Variants in FBXO25 observed in about 807,000 individuals in gnomAD.
FBXO25 encodes F-box protein 25, also known as F-box only protein 25.
Under a neutral mutation model 51.9 loss-of-function variants are expected in FBXO25, and 45 were observed. That is an observed-to-expected ratio of 0.87 (90% confidence interval 0.68 to 1.11). The LOEUF is 1.11. Ranked by LOEUF, FBXO25 falls within the 50% of genes most tolerant of loss-of-function variation. The probability of loss-of-function intolerance (pLI) is 0.00; values close to 1 mark genes in which losing one functional copy is unlikely to be tolerated. For missense variants in FBXO25, 507 were observed against 428.5 expected (o/e 1.18, Z -1.62); for synonymous variants, 199 against 151.0 (o/e 1.32, Z -2.33).
At chr8:447,219 G>T (rs1798792110) in intron 5 of FBXO25, among the ~76,000 whole-genome samples, 2 of 152,134 alleles carry the variant, frequency 1.3e-5, no homozygotes, top group African/African-American at 4.8e-5. Flanking sequence ...GTTTTACTCA[G>T]GGACATGGGC....
Position 477,604 on chromosome 8 carries a change from C to G in FBXO25, c.*8800C>G, listed in dbSNP as rs549458410. On this transcript the variant is annotated 3_prime_UTR_variant, in exon 10 of 10. Coordinates refer to ENST00000350302, the MANE Select transcript of FBXO25 (RefSeq NM_183420.2). ...GAATTTGAGGCTGCAAGGATAGGTA[C>G]ACACAGGGGAGTGAAGCAGGGCTTG... The G allele has an allele frequency of 6.6e-6, 1 of 152,212 alleles. No individual in the cohort carries two copies. The highest frequency in any genetic ancestry group is 1.5e-5 in the Non-Finnish European group (1 of 68,038). 9.4% of individuals were successfully genotyped at this position (152,212 alleles called of 1,614,324 possible).
rs375398126 is a variant in FBXO25, at chr8:477,173, AT to A, written c.*8372del. ...TATTTTATTTCCTCAGTCTTTTGAA[AT>A]TTGTTGACTTGTTTAGTCATCTAAC... On this transcript the variant is annotated 3_prime_UTR_variant, in exon 10 of 10. Coordinates refer to ENST00000350302, the MANE Select transcript of FBXO25 (RefSeq NM_183420.2). The A allele has an allele frequency of 2.6e-5, 4 of 152,300 alleles. No individual in the cohort carries two copies. The highest frequency in any genetic ancestry group is 9.6e-5 in the African/African-American group (4 of 41,558). The allele number at this position is 152,300 out of a possible 1,614,324, so 9.4% of individuals were successfully genotyped here. A position where few individuals can be genotyped will look rare whatever the true frequency, so the allele number is the denominator to read the frequency against.
At chr8:437,843 A>G (rs1394870328) in intron 5 of FBXO25, among the ~76,000 whole-genome samples, 3 of 152,064 alleles carry the variant, frequency 2.0e-5, no homozygotes, top group Non-Finnish European at 4.4e-5. Context: ...ACTTACTACA[A>G]CAACTGAGAG....
chr8:437,529 C>T (rs1411644127), intron 5 of FBXO25, among the ~76,000 whole-genome samples: 1 of 152,236 alleles, frequency 6.6e-6, no homozygotes, highest in Non-Finnish European at 1.5e-5. Flanking sequence ...CACCATTCTT[C>T]ACAAGTCCAG....
At chr8:430,938 G>C (rs1797785513) in intron 2 of FBXO25, among the ~76,000 whole-genome samples, 2 of 152,310 alleles carry the variant, frequency 1.3e-5, no homozygotes, top group African/African-American at 4.8e-5. Context: ...GGAGTAAACA[G>C]AAATGTTGAG....
At chr8:433,535 G>A (rs1271656692) in intron 4 of FBXO25, among the ~76,000 whole-genome samples, 1 of 152,108 alleles carries the variant, frequency 6.6e-6, no homozygotes, top group Non-Finnish European at 1.5e-5. Flanking sequence ...AGAGCTGTGT[G>A]AACTCTTTCC....
rs558439075 is a variant in FBXO25, at chr8:450,907, T to C, written c.476-362T>C. 4 of 203,078 alleles carry C rather than the reference T, an allele frequency of 2.0e-5. No homozygotes were observed. The East Asian group carries it at 4.4e-4, about 23-fold the overall frequency. 12.6% of individuals were successfully genotyped at this position (203,078 alleles called of 1,614,324 possible). ...CTGAAACTCATACCACCTTAAACACTGAGTCCCCATTCCTCCTCCCCACCA... is the reference window on the plus strand; with the variant it reads ...CTGAAACTCATACCACCTTAAACACCGAGTCCCCATTCCTCCTCCCCACCA... On this transcript the variant is annotated intron_variant, in intron 6 of 9. Transcript: ENST00000350302.
At chr8:434,097 A>T (rs960638463) in intron 4 of FBXO25, among the ~76,000 whole-genome samples, 6 of 152,326 alleles carry the variant, frequency 3.9e-5, no homozygotes, top group African/African-American at 1.4e-4. Flanking sequence ...CTGGAATGCT[A>T]GGAACCAGGA....
Position 472,748 on chromosome 8 carries a change from C to G in FBXO25, c.*3944C>G, listed in dbSNP as rs755792453. 7.2e-5 allele frequency: 11 copies of G among 152,148 alleles called. No individual in the cohort carries two copies. The highest frequency in any genetic ancestry group is 1.5e-4 in the Non-Finnish European group (10 of 68,012). The allele number at this position is 152,148 out of a possible 1,614,324, so 9.4% of individuals were successfully genotyped here. A position where few individuals can be genotyped will look rare whatever the true frequency, so the allele number is the denominator to read the frequency against. ...CCAGAGATGCCTTTTAATGGTTTTT[C>G]TTTTCATTGCGAAGGCCTAACTTAG... On this transcript the variant is annotated 3_prime_UTR_variant, in exon 10 of 10. Transcript: ENST00000350302.
At chr8:455,467 G>C (rs1034897121) in intron 7 of FBXO25, among the ~76,000 whole-genome samples, 8 of 152,212 alleles carry the variant, frequency 5.3e-5, no homozygotes, top group African/African-American at 1.9e-4. Flanking sequence ...GAGGGGATGG[G>C]CCTCCCATGG....
intron 7 of FBXO25, among the ~76,000 whole-genome samples, chr8:457,939 C>T (rs955933928): frequency 1.3e-5 from 2 of 152,240 alleles, no homozygotes; most frequent in Non-Finnish European, 2.9e-5. Context: ...CCAGGCCACC[C>T]AGTGGTGTGG....
intron 2 of FBXO25, among the ~76,000 whole-genome samples, chr8:421,336 G>GT (rs1797141159): frequency 6.6e-6 from 1 of 152,198 alleles, no homozygotes; most frequent in Non-Finnish European, 1.5e-5. Context: ...TGCCAAAACG[G>GT]TTAGGGAATG....
rs955344194 is a variant in FBXO25, at chr8:469,869, G to C, written c.*1065G>C. 7.2e-5 allele frequency: 11 copies of C among 151,998 alleles called. No individual in the cohort carries two copies. The highest frequency in any genetic ancestry group is 2.9e-5 in the Non-Finnish European group (2 of 67,976). 9.4% of individuals were successfully genotyped at this position (151,998 alleles called of 1,614,324 possible). ...AATAATAAAAGTATACTTTTATGGC[G>C]TTATAAATAGGACTAAAAAAAGATT... On this transcript the variant is annotated 3_prime_UTR_variant, in exon 10 of 10. Coordinates refer to ENST00000350302, the MANE Select transcript of FBXO25 (RefSeq NM_183420.2).
At chr8:460,338 A>G (rs765822702) in intron 8 of FBXO25, among the ~76,000 whole-genome samples, 5 of 152,222 alleles carry the variant, frequency 3.3e-5, no homozygotes, top group Admixed American at 2.0e-4. Flanking sequence ...TTAAGTTGCA[A>G]TTAGCACCTG....
chr8:453,553 G>C (rs546000151), intron 7 of FBXO25, among the ~76,000 whole-genome samples: 1 of 152,142 alleles, frequency 6.6e-6, no homozygotes, highest in African/African-American at 2.4e-5. Context: ...GACTCAGTCA[G>C]CCAAATTGGT....
At position 472,928 on chromosome 8, in the gene FBXO25, T is replaced by A. The variant is rs1488892912; in HGVS notation, c.*4124T>A. ...TCTTCATTATGATGTGTGCACGTGATGGACACCACTCACCTCCCTTTAGTC... is the reference window on the plus strand; with the variant it reads ...TCTTCATTATGATGTGTGCACGTGAAGGACACCACTCACCTCCCTTTAGTC... On this transcript the variant is annotated 3_prime_UTR_variant, in exon 10 of 10. Transcript: ENST00000350302. The A allele has an allele frequency of 6.6e-6, 1 of 152,230 alleles. No individual in the cohort carries two copies. Among genetic ancestry groups the A allele is most frequent in the Non-Finnish European group, 1.5e-5 (1 of 68,038 alleles). 9.4% of individuals were successfully genotyped at this position (152,230 alleles called of 1,614,324 possible). A position where few individuals can be genotyped will look rare whatever the true frequency, so the allele number is the denominator to read the frequency against.
At chr8:435,052 C>G (rs559927672) in intron 4 of FBXO25, among the ~76,000 whole-genome samples, 10 of 152,086 alleles carry the variant, frequency 6.6e-5, no homozygotes, top group African/African-American at 1.9e-4. Flanking sequence ...TTCTTGCTAC[C>G]GAAGCACCTC....
At chr8:417,135 G>A (rs1277296416) in intron 2 of FBXO25, among the ~76,000 whole-genome samples, 1 of 152,210 alleles carries the variant, frequency 6.6e-6, no homozygotes, top group Non-Finnish European at 1.5e-5. Flanking sequence ...GAGCCCGGAA[G>A]CGGGGCCAGT....
At chr8:420,860 T>C (rs1797109341) in intron 2 of FBXO25, among the ~76,000 whole-genome samples, 1 of 152,212 alleles carries the variant, frequency 6.6e-6, no homozygotes, top group Non-Finnish European at 1.5e-5. Flanking sequence ...ACTGTGCACC[T>C]GTCAAAACCC....
Sources: gnomAD v4.1 joint callset for allele counts (sites outside exome capture counted in the v4.1 genomes callset) on GRCh38, gnomAD v4.1.1 for gene constraint, MANE v1.5 for transcripts, NCBI Gene and HGNC (gene_info 2026-07-23, HGNC 2026-07-21) for gene names.